Variants in ZNF845 observed in about 807,000 individuals in gnomAD.
ZNF845 encodes the protein zinc finger protein 845.
ZNF845 carries 59 observed loss-of-function variants against 76.1 expected under a neutral mutation model. The ratio of observed to expected loss-of-function variants is 0.78; its 90% CI spans 0.63 to 0.96. The LOEUF (loss-of-function observed/expected upper bound fraction) is 0.96. Ranked by LOEUF, ZNF845 falls within the 40% of genes least tolerant of loss-of-function variation. The pLI is 0.00. For missense variants in ZNF845, 1,045 were observed against 1,172.8 expected (o/e 0.89, Z 1.59); for synonymous variants, 361 against 386.9 (o/e 0.93, Z 0.78).
chr19:53,351,378 A>G lies in ZNF845; in HGVS notation c.703A>G (p.Ile235Val). 2 of 1,614,250 alleles carry G rather than the reference A, an allele frequency of 1.2e-6. No individual in the cohort carries two copies. The highest frequency in any genetic ancestry group is 1.7e-6 in the Non-Finnish European group (2 of 1,180,048). Residue 235 changes from isoleucine (I) to valine (V), a missense_variant, in exon 4 of 4, where the codon ATA becomes GTA. Coordinates refer to ENST00000458035, the MANE Select transcript of ZNF845 (RefSeq NM_138374.3). ...TAGCTCAGTCTTAAGGAAACATCAG[A>G]TAATCCATTTAGGAGCGAAACAATA... ...NYSSVLRKHQ[I>V]IHLGAKQYKC...
chr19:53,344,590 T>TTTTATTTTATTTTA lies in ZNF845; in HGVS notation c.16-898_16-885dup, dbSNP rs1222175889. On this transcript the variant is annotated intron_variant, in intron 2 of 3. Coordinates refer to ENST00000458035, the MANE Select transcript of ZNF845 (RefSeq NM_138374.3). ...TCTGTAACGAGAACCCTACATTGAT[T>TTTTATTTTATTTTA]TTTATTTTATTTTATTTATTTTATT... Among the ~76,000 whole-genome samples the TTTTATTTTATTTTA allele has an allele frequency of 1.6e-3, 205 of 127,174 alleles. 1 individual carries two copies. The highest frequency in any genetic ancestry group is 8.1e-3 in the Middle Eastern group (2 of 248). The allele number at this position is 127,174 out of a possible 152,430, so 83.4% of individuals were successfully genotyped here. A position where few individuals can be genotyped will look rare whatever the true frequency, so the allele number is the denominator to read the frequency against.
intron 1 of ZNF845, among the ~76,000 whole-genome samples, chr19:53,337,867 A>G (rs77658704): frequency 1.8e-4 from 28 of 151,720 alleles, no homozygotes; most frequent in Admixed American, 3.3e-4. Context: ...GCCCGCCCCA[A>G]TTTTTGTATT....
Position 53,353,273 on chromosome 19 carries a change from G to T in ZNF845, c.2598G>T (p.Lys866Asn), listed in dbSNP as rs757357216. The T allele has an allele frequency of 1.2e-6, 2 of 1,613,546 alleles. No homozygotes were observed. Among genetic ancestry groups the T allele is most frequent in the African/African-American group, 2.7e-5 (2 of 74,890 alleles). The change falls in exon 4 of 4, where the codon AAG (lysine) becomes AAT (asparagine). Residue 866 changes from lysine to asparagine, a missense_variant. Transcript: ENST00000458035. The part of the protein sequence containing the change: ...EKPYKCSECG[K>N]VFNRKANLSR... ...CTTACAAGTGTAGTGAATGTGGCAAGGTTTTTAATAGAAAAGCAAACCTTT... is the reference window on the plus strand; with the variant it reads ...CTTACAAGTGTAGTGAATGTGGCAATGTTTTTAATAGAAAAGCAAACCTTT...
In ZNF845 at chr19:53,351,531, C is replaced by A; in HGVS notation, c.856C>A (p.Leu286Ile). 6.2e-7 allele frequency: 1 copy of A among 1,614,154 alleles called. No homozygotes were observed. Among genetic ancestry groups the A allele is most frequent in the Non-Finnish European group, 8.5e-7 (1 of 1,180,006 alleles). ...CGKTFSQELT[L>I]TCHHRLHTGE... ...CAAGACCTTCAGTCAGGAGTTAACC[C>A]TTACATGCCATCATAGACTTCATAC... The change falls in exon 4 of 4, where the codon CTT (leucine) becomes ATT (isoleucine). Residue 286 changes from leucine (L) to isoleucine (I), a missense_variant. Coordinates refer to ENST00000458035, the MANE Select transcript of ZNF845 (RefSeq NM_138374.3).
chr19:53,340,970 T>A, intron 1 of ZNF845: 1 of 451,966 alleles, frequency 2.2e-6, no homozygotes, highest in Non-Finnish European at 3.9e-6. Context: ...TGATATCACC[T>A]TCTCAGTGGG....
Position 53,353,004 on chromosome 19 carries a change from T to G in ZNF845, c.2329T>G (p.Cys777Gly). 2 of 1,614,040 alleles carry G rather than the reference T, an allele frequency of 1.2e-6. No individual in the cohort carries two copies. Among genetic ancestry groups the G allele is most frequent in the Non-Finnish European group, 1.7e-6 (2 of 1,179,928 alleles). The part of the protein sequence containing the change: ...RIHTGEKPYK[C>G]KVCDKAFGRD... ...TCATACTGGAGAGAAACCATACAAA[T>G]GTAAGGTTTGTGACAAAGCTTTTGG... The change falls in exon 4 of 4, where the codon TGT (cysteine) becomes GGT (glycine). Residue 777 changes from cysteine (C) to glycine (G), a missense_variant. Physicochemically the swap from Cys to Gly is radical, Grantham distance 159. Coordinates refer to ENST00000458035, the MANE Select transcript of ZNF845 (RefSeq NM_138374.3).
At position 53,350,416 on chromosome 19, in the gene ZNF845, AT is replaced by A. The variant is rs372825607; in HGVS notation, c.143-400del. The stretch of plus-strand genomic sequence containing the variant: ...TGTGGATTATTTACCAATATAGTAT[AT>A]TGTGTGGTCTTTTAGCATTTATTTG... On this transcript the variant is annotated intron_variant, in intron 3 of 3. Transcript: ENST00000458035. 2.8e-4 allele frequency among the ~76,000 whole-genome samples: 43 copies of A among 152,336 alleles called. No homozygotes were observed. In the East Asian group the frequency reaches 6.9e-3, roughly 25 times the overall value.
At chr19:53,349,527 C>G (rs1278020777) in intron 3 of ZNF845, among the ~76,000 whole-genome samples, 1 of 152,000 alleles carries the variant, frequency 6.6e-6, no homozygotes, top group African/African-American at 2.4e-5. Context: ...CTCAGCCTCC[C>G]AAAGTGTTGG....
Position 53,355,245 on chromosome 19 carries a change from C to T in ZNF845, c.*1657C>T, listed in dbSNP as rs2085377042. 6.6e-6 allele frequency: 1 copy of T among 151,358 alleles called. No homozygotes were observed. The highest frequency in any genetic ancestry group is 1.5e-5 in the Non-Finnish European group (1 of 67,792). 9.4% of individuals were successfully genotyped at this position (151,358 alleles called of 1,614,324 possible). A position where few individuals can be genotyped will look rare whatever the true frequency, so the allele number is the denominator to read the frequency against. On this transcript the variant is annotated 3_prime_UTR_variant, in exon 4 of 4. Transcript: ENST00000458035. ...TCTATATAGAATGTCGTATCATCTA[C>T]AAGGAAATAATTTTTTTTTTTGAGA...
Position 53,353,786 on chromosome 19 carries a change from G to A in ZNF845, c.*198G>A. On this transcript the variant is annotated 3_prime_UTR_variant, in exon 4 of 4. Coordinates refer to ENST00000458035, the MANE Select transcript of ZNF845 (RefSeq NM_138374.3). ...TACTGAGTGTGGCAAAGCCTTTAGTGGGCAGTCAACACTTATTCACCATCA... is the reference window on the plus strand; with the variant it reads ...TACTGAGTGTGGCAAAGCCTTTAGTAGGCAGTCAACACTTATTCACCATCA... 6.6e-7 allele frequency: 1 copy of A among 1,511,592 alleles called. No homozygotes were observed. The highest frequency in any genetic ancestry group is 8.8e-7 in the Non-Finnish European group (1 of 1,131,406). The allele number at this position is 1,511,592 out of a possible 1,614,324, so 93.6% of individuals were successfully genotyped here. A position where few individuals can be genotyped will look rare whatever the true frequency, so the allele number is the denominator to read the frequency against.
At chr19:53,346,605 C>T (rs755425315) in intron 3 of ZNF845, among the ~76,000 whole-genome samples, 5 of 152,140 alleles carry the variant, frequency 3.3e-5, no homozygotes, top group African/African-American at 7.2e-5. Context: ...TGCTTGAACC[C>T]GGGAGGCGGA....
rs904608790 is a variant in ZNF845 at position 53,352,517 on chromosome 19, A to T, written c.1842A>T (p.Lys614Asn). The change falls in exon 4 of 4, where the codon AAA becomes AAT. Residue 614 changes from lysine (K) to asparagine (N), a missense_variant. Coordinates refer to ENST00000458035, the MANE Select transcript of ZNF845 (RefSeq NM_138374.3). ...CGTACAAGTGTAATAGATGTGGCAA[A>T]TTTTTCAGACATCGTTCATACCTTG... The part of the protein sequence containing the change: ...ERSYKCNRCG[K>N]FFRHRSYLAV... 2 of 1,608,368 alleles carry T rather than the reference A, an allele frequency of 1.2e-6. No individual in the cohort carries two copies. Among genetic ancestry groups the T allele is most frequent in the Non-Finnish European group, 8.5e-7 (1 of 1,177,060 alleles).
At position 53,350,814 on chromosome 19, in the gene ZNF845, C is replaced by T; in HGVS notation, c.143-4C>T. 6.2e-7 allele frequency: 1 copy of T among 1,612,330 alleles called. No homozygotes were observed. Among genetic ancestry groups the T allele is most frequent in the Middle Eastern group, 1.7e-4 (1 of 6,044 alleles). The stretch of plus-strand genomic sequence containing the variant: ...GGAAACCTATTGGTGTTTATATTTT[C>T]TAGATATCTCTTCCAAATGCATGAT... On this transcript the variant is annotated splice_polypyrimidine_tract_variant and splice_region_variant and intron_variant, in intron 3 of 3. Coordinates refer to ENST00000458035, the MANE Select transcript of ZNF845 (RefSeq NM_138374.3).
intron 3 of ZNF845, among the ~76,000 whole-genome samples, chr19:53,349,331 C>A (rs530520181): frequency 6.6e-6 from 1 of 152,004 alleles, no homozygotes; most frequent in African/African-American, 2.4e-5. Flanking sequence ...GTGGCGCGAT[C>A]TCGGCTCACT....
intron 3 of ZNF845, among the ~76,000 whole-genome samples, chr19:53,347,480 C>T (rs904553503): frequency 4.0e-5 from 6 of 151,194 alleles, no homozygotes; most frequent in East Asian, 2.0e-4. Flanking sequence ...GGGGTTTCAC[C>T]GTGTTAGCCA....
chr19:53,344,005 G>T (rs576985891), intron 2 of ZNF845, among the ~76,000 whole-genome samples: 23 of 151,634 alleles, frequency 1.5e-4, no homozygotes, highest in Non-Finnish European at 2.8e-4. Flanking sequence ...TTTTGAGATG[G>T]AGTCTCTGTT....
intron 2 of ZNF845, among the ~76,000 whole-genome samples, chr19:53,342,840 C>G (rs956372369): frequency 2.6e-5 from 4 of 152,008 alleles, no homozygotes; most frequent in Non-Finnish European, 4.4e-5. Flanking sequence ...TTTTTTGAGA[C>G]TGAGTTTTGC....
rs187236586 is a variant in ZNF845 at position 53,353,704 on chromosome 19, T to G, written c.*116T>G. ...GAGTTTGTGACAAGAATCTTGGGCG[T>G]GATTCACACCTGGCCCAACAAACTA... On this transcript the variant is annotated 3_prime_UTR_variant, in exon 4 of 4. Coordinates refer to ENST00000458035, the MANE Select transcript of ZNF845 (RefSeq NM_138374.3). The G allele has an allele frequency of 9.2e-6, 14 of 1,519,596 alleles. No homozygotes were observed. In the East Asian group the frequency reaches 3.2e-4, roughly 35 times the overall value. 94.1% of individuals were successfully genotyped at this position (1,519,596 alleles called of 1,614,324 possible).
intron 3 of ZNF845, among the ~76,000 whole-genome samples, 164 bp from the exon 4 acceptor site, chr19:53,350,654 G>A (rs118037019): frequency 4.6e-5 from 7 of 152,190 alleles, no homozygotes; most frequent in East Asian, 3.9e-4. Context: ...ACATGTAATC[G>A]CCCTTTATTT....
Sources: allele counts gnomAD v4.1 joint callset (sites outside exome capture counted in the v4.1 genomes callset), GRCh38; gene constraint gnomAD v4.1.1; transcripts MANE v1.5; gene names NCBI Gene and HGNC (gene_info 2026-07-23, HGNC 2026-07-21).